The following PACS1 variants were observed in gnomAD, a reference collection of about 807,000 sequenced individuals.
PACS1 encodes PACS-1.
Under a neutral mutation model 115.0 loss-of-function variants are expected in PACS1, and 24 were observed. That is an observed-to-expected ratio of 0.21 (90% CI 0.15 to 0.29). PACS1 has a LOEUF of 0.29. Ranked by LOEUF, PACS1 falls within the 10% of genes least tolerant of loss-of-function variation. The pLI, the probability that PACS1 is intolerant of heterozygous loss-of-function variation, is 1.00. For synonymous variants in PACS1, 453 were observed against 504.5 expected (o/e 0.90, Z 1.37); for missense variants, 838 against 1,251.2 (o/e 0.67, Z 4.98).
At chr11:66,228,643 G>A (rs1261222448) in intron 11 of PACS1, among the ~76,000 whole-genome samples, 2 of 152,078 alleles carry the variant, frequency 1.3e-5, no homozygotes, top group East Asian at 1.9e-4. Flanking sequence ...AAAAGAAGCC[G>A]AATGCCAAAA....
chr11:66,105,917 T>G (rs1346312289), intron 1 of PACS1, among the ~76,000 whole-genome samples: 1 of 152,172 alleles, frequency 6.6e-6, no homozygotes, highest in African/African-American at 2.4e-5. Context: ...ATAAAAGCCT[T>G]TTTATTTGAG....
intron 1 of PACS1, among the ~76,000 whole-genome samples, chr11:66,183,501 A>G (rs923496165): frequency 6.6e-6 from 1 of 152,178 alleles, no homozygotes; most frequent in African/African-American, 2.4e-5. Context: ...TGCTCATATG[A>G]CACAGCCATT....
At chr11:66,163,027 A>G (rs1476002952) in intron 1 of PACS1, among the ~76,000 whole-genome samples, 1 of 152,140 alleles carries the variant, frequency 6.6e-6, no homozygotes, top group Non-Finnish European at 1.5e-5. Context: ...ATTAATACAA[A>G]AAAGTTTATT....
chr11:66,240,192 G>GCT (rs1483624470), intron 21 of PACS1, among the ~76,000 whole-genome samples: 1 of 152,238 alleles, frequency 6.6e-6, no homozygotes, highest in Non-Finnish European at 1.5e-5. Context: ...AAGCGGCGGA[G>GCT]CTCGGGTTCA....
At chr11:66,165,291 G>A (rs751740098) in intron 1 of PACS1, among the ~76,000 whole-genome samples, 1 of 151,984 alleles carries the variant, frequency 6.6e-6, no homozygotes, top group Non-Finnish European at 1.5e-5. Context: ...CTCCCTCATC[G>A]GCAGCTCCTC....
intron 1 of PACS1, among the ~76,000 whole-genome samples, chr11:66,157,735 TTGAAAGAC>T (rs899258784): frequency 8.6e-5 from 13 of 152,006 alleles, no homozygotes; most frequent in African/African-American, 3.1e-4. Context: ...CACCAAGACA[TTGAAAGAC>T]CTCAGAGCAA....
intron 22 of PACS1, among the ~76,000 whole-genome samples, chr11:66,242,369 G>C (rs1024150096): frequency 2.6e-5 from 4 of 152,200 alleles, no homozygotes; most frequent in Non-Finnish European, 5.9e-5. Context: ...AGTTCCCCTG[G>C]GGGGTCAGGC....
intron 1 of PACS1, among the ~76,000 whole-genome samples, chr11:66,183,420 G>C (rs1315014716): frequency 3.3e-5 from 5 of 152,176 alleles, no homozygotes; most frequent in Non-Finnish European, 7.3e-5. Flanking sequence ...AATAAATGCT[G>C]TTAAGGGAAG....
chr11:66,206,300 T>C (rs759085309), intron 2 of PACS1, among the ~76,000 whole-genome samples: 17 of 152,214 alleles, frequency 1.1e-4, no homozygotes, highest in Non-Finnish European at 2.1e-4. Flanking sequence ...AAACAAATGA[T>C]ACAAAAGTAT....
At chr11:66,195,882 T>C (rs1854638794) in intron 2 of PACS1, among the ~76,000 whole-genome samples, 3 of 152,230 alleles carry the variant, frequency 2.0e-5, no homozygotes, top group Non-Finnish European at 2.9e-5. Flanking sequence ...TCTAAGACAC[T>C]TCCAGGGGGT....
At chr11:66,152,659 A>AGTAACACTG (rs768313669) in intron 1 of PACS1, among the ~76,000 whole-genome samples, 3 of 152,198 alleles carry the variant, frequency 2.0e-5, no homozygotes, top group Non-Finnish European at 4.4e-5. Context: ...TTGGGTGTTC[A>AGTAACACTG]TGCATGTGTG....
chr11:66,216,410 C>T lies in PACS1; in HGVS notation c.806-110C>T, dbSNP rs1855210696. ...GTGGCTTCGGCCCTGGCCCTCCCCT[C>T]CACCCTGGCTGTGTTTCCACCCAAA... On this transcript the variant is annotated intron_variant, in intron 5 of 23. Coordinates refer to ENST00000320580, the MANE Select transcript of PACS1 (RefSeq NM_018026.4). The T allele has an allele frequency of 4.3e-6, 6 of 1,405,606 alleles. No individual in the cohort carries two copies. The South Asian group carries it at 4.9e-5, about 11-fold the overall frequency. The allele number at this position is 1,405,606 out of a possible 1,614,324, so 87.1% of individuals were successfully genotyped here.
At chr11:66,151,269 T>C (rs1859230884) in intron 1 of PACS1, among the ~76,000 whole-genome samples, 1 of 151,490 alleles carries the variant, frequency 6.6e-6, no homozygotes, top group African/African-American at 2.4e-5. Context: ...GTGAGGTTCA[T>C]GCTTTTTAAA....
chr11:66,208,868 T>C (rs1855006326), intron 2 of PACS1, among the ~76,000 whole-genome samples: 1 of 152,328 alleles, frequency 6.6e-6, no homozygotes, highest in Admixed American at 6.5e-5. Flanking sequence ...TATTGTAATT[T>C]ACTTTGCTTC....
chr11:66,070,602 A>C lies in PACS1; in HGVS notation c.116A>C (p.Gln39Pro). The change falls in exon 1 of 24, where the codon CAG (glutamine) becomes CCG (proline). Residue 39 changes from glutamine (Q) to proline (P), a missense_variant. By Grantham distance (76) the Gln-to-Pro change is moderately conservative. Around this residue, in one of 6 missense-constraint regions of PACS1, gnomAD observed 129 missense variants for 109.4 expected, o/e 1.18. Transcript: ENST00000320580. This position sits in a 1 kb window ranked among gnomAD's most constrained non-coding sequence, Gnocchi z 5.9. Reference sequence around the variant, plus strand: ...CAGCCGCCGCCGCAGCAGCAGCAGCAGCAGCCGCCGCAGCAGCCGACGCCC... The same window carrying C: ...CAGCCGCCGCCGCAGCAGCAGCAGCCGCAGCCGCCGCAGCAGCCGACGCCC... The part of the protein sequence containing the change: ...PQQPPPQQQQ[Q>P]QPPQQPTPPK... 1.3e-6 allele frequency: 2 copies of C among 1,519,636 alleles called. No homozygotes were observed. Among genetic ancestry groups the C allele is most frequent in the Admixed American group, 4.0e-5 (2 of 50,224 alleles). 94.1% of individuals were successfully genotyped at this position (1,519,636 alleles called of 1,614,324 possible).
intron 10 of PACS1, among the ~76,000 whole-genome samples, chr11:66,223,880 C>T (rs774449292): frequency 2.0e-5 from 3 of 152,092 alleles, no homozygotes; most frequent in Non-Finnish European, 2.9e-5. Context: ...GTTGTGGTGT[C>T]GGTATAGGAG....
chr11:66,079,208 CATT>C (rs1278795501), intron 1 of PACS1, among the ~76,000 whole-genome samples: 7 of 151,564 alleles, frequency 4.6e-5, no homozygotes, highest in Non-Finnish European at 1.0e-4. Context: ...TTTTCTGAAA[CATT>C]GTGTGTGTTT....
intron 4 of PACS1, among the ~76,000 whole-genome samples, chr11:66,215,067 G>A (rs1404833432): frequency 6.6e-6 from 1 of 151,752 alleles, no homozygotes; most frequent in African/African-American, 2.4e-5. Flanking sequence ...TGAGTAGCTG[G>A]GACTACAGGC....
intron 1 of PACS1, among the ~76,000 whole-genome samples, chr11:66,094,366 C>T (rs1456029209): frequency 6.6e-6 from 1 of 150,602 alleles, no homozygotes; most frequent in Non-Finnish European, 1.5e-5. Context: ...AAGGGGATAT[C>T]ACCACCGATC....
Sources: gnomAD v4.1 joint callset for allele counts (sites outside exome capture counted in the v4.1 genomes callset) on GRCh38, gnomAD v4.1.1 for gene constraint, gnomAD v4.1.1 regional missense constraint, Gnocchi (gnomAD v3.1) non-coding constraint, MANE v1.5 for transcripts, NCBI Gene and HGNC (gene_info 2026-07-23, HGNC 2026-07-21) for gene names.